FREM1: variants seen among roughly 807,000 people sequenced by gnomAD.
The protein encoded by FREM1 is FRAS1 related extracellular matrix 1.
A neutral mutation model predicts 210.1 loss-of-function variants in FREM1; 220 were observed. The observed-to-expected ratio is 1.05, with a 90% CI of 0.94 to 1.17. The LOEUF (loss-of-function observed/expected upper bound fraction) is 1.17. FREM1 is among the 50% of genes most tolerant of loss of function. The probability of loss-of-function intolerance (pLI) is 0.00; values close to 1 mark genes in which losing one functional copy is unlikely to be tolerated. For synonymous variants in FREM1, 1,189 were observed against 980.2 expected, an observed-to-expected ratio of 1.21 and a Z score of -3.98; for missense variants, 3,454 against 2,675.5, an observed-to-expected ratio of 1.29 and a Z score of -6.42.
chr9:14,849,450 T>A (rs1292620880), intron 6 of FREM1, among the ~76,000 whole-genome samples: 3 of 152,242 alleles, frequency 2.0e-5, no homozygotes, highest in Non-Finnish European at 4.4e-5. Flanking sequence ...ATCTTTATTA[T>A]GTGCTGTGTA....
Position 14,769,735 on chromosome 9 carries a change from G to A in FREM1, c.5193C>T (p.Ala1731=), listed in dbSNP as rs1378695511. 2 of 1,612,050 alleles carry A rather than the reference G, an allele frequency of 1.2e-6. No individual in the cohort carries two copies. Among genetic ancestry groups the A allele is most frequent in the Admixed American group, 3.3e-5 (2 of 59,810 alleles). ...GCAAGAGAATTTACATTTGAGGAGT[G>A]GCCGAGTTCCCTGTGGGGTCCATGA... ...FQIMDPTGNS[A]TPQILELKWS... Residue 1731 remains alanine (A), a synonymous_variant, in exon 27 of 37, where the codon GCC becomes GCT. Transcript: ENST00000380880.
intron 21 of FREM1, among the ~76,000 whole-genome samples, chr9:14,794,725 C>T (rs1024490072): frequency 2.0e-5 from 3 of 152,070 alleles, no homozygotes; most frequent in African/African-American, 4.8e-5. Context: ...TTGGGCCGGG[C>T]GCAGTGCCTC....
chr9:14,796,929 T>C (rs931954608), intron 21 of FREM1, among the ~76,000 whole-genome samples: 1 of 152,186 alleles, frequency 6.6e-6, no homozygotes, highest in African/African-American at 2.4e-5. Flanking sequence ...TACAATTGAA[T>C]AATATCGCTC....
At chr9:14,778,734 G>T in intron 24 of FREM1, among the ~76,000 whole-genome samples, 1 of 145,576 alleles carries the variant, frequency 6.9e-6, no homozygotes, top group Non-Finnish European at 1.5e-5. Context: ...GGAAGGGAAG[G>T]GAAGGGAAGG....
At chr9:14,768,702 G>C (rs1164506166) in intron 27 of FREM1, among the ~76,000 whole-genome samples, 4 of 152,148 alleles carry the variant, frequency 2.6e-5, no homozygotes, top group African/African-American at 9.7e-5. Flanking sequence ...AATGACTACT[G>C]TGACCTCTGC....
intron 10 of FREM1, 34 bp downstream of exon 10, chr9:14,841,413 G>C (rs1825678534): frequency 6.5e-7 from 1 of 1,537,358 alleles, no homozygotes; most frequent in East Asian, 2.3e-5. Flanking sequence ...CTGTGCACAA[G>C]ACTTTGGGAA....
chr9:14,818,547 G>A (rs56997619), intron 14 of FREM1, among the ~76,000 whole-genome samples: 3,957 of 152,264 alleles, frequency 0.026, 144 homozygotes, highest in African/African-American at 0.088. Context: ...GGGTCTACCC[G>A]ACCATTGCTT....
intron 19 of FREM1, among the ~76,000 whole-genome samples, chr9:14,804,677 C>G (rs1284182318): frequency 6.6e-6 from 1 of 152,108 alleles, no homozygotes; most frequent in Non-Finnish European, 1.5e-5. Context: ...CGACCCTAGG[C>G]AAGATACAAG....
intron 27 of FREM1, among the ~76,000 whole-genome samples, chr9:14,768,869 G>T (rs1003256931): frequency 1.3e-5 from 2 of 152,142 alleles, no homozygotes; most frequent in African/African-American, 4.8e-5. Flanking sequence ...TGCTTAGTAT[G>T]ACTAGGATAT....
intron 1 of FREM1, among the ~76,000 whole-genome samples, chr9:14,891,966 T>C (rs781320977): frequency 1.3e-5 from 2 of 152,228 alleles, no homozygotes; most frequent in Non-Finnish European, 2.9e-5. Flanking sequence ...CTGCCTGCTC[T>C]GTCTATGGAG....
At chr9:14,802,751 G>C (rs1049121523) in intron 19 of FREM1, among the ~76,000 whole-genome samples, 2 of 152,026 alleles carry the variant, frequency 1.3e-5, no homozygotes, top group Non-Finnish European at 2.9e-5. Context: ...ATGCATATTG[G>C]TAATCTGCAA....
At chr9:14,896,744 T>G (rs1837813969) in intron 1 of FREM1, among the ~76,000 whole-genome samples, 1 of 152,178 alleles carries the variant, frequency 6.6e-6, no homozygotes, top group African/African-American at 2.4e-5. Context: ...AGAATGGTAT[T>G]CGCTGTGATA....
chr9:14,881,145 T>C (rs1215233011), intron 1 of FREM1, among the ~76,000 whole-genome samples: 1 of 152,236 alleles, frequency 6.6e-6, no homozygotes, highest in Non-Finnish European at 1.5e-5. Context: ...TCTCTTCTCC[T>C]GCCGCCCACT....
At chr9:14,788,035 A>C (rs1026731386) in intron 23 of FREM1, among the ~76,000 whole-genome samples, 1 of 152,174 alleles carries the variant, frequency 6.6e-6, no homozygotes, top group African/African-American at 2.4e-5. Flanking sequence ...ACATAAAGCA[A>C]GATTTTTTTT....
rs1824747779 is a variant in FREM1 at position 14,836,992 on chromosome 9, C to A, written c.1881+4455G>T. Among the ~76,000 whole-genome samples, 1 of 152,138 alleles carries A rather than the reference C, an allele frequency of 6.6e-6. No individual in the cohort carries two copies. Among genetic ancestry groups the A allele is most frequent in the Admixed American group, 6.5e-5 (1 of 15,272 alleles). On this transcript the variant is annotated intron_variant, in intron 10 of 36. Transcript: ENST00000380880. This position sits in a 1 kb window ranked among gnomAD's most constrained non-coding sequence, Gnocchi z 4.9. The stretch of plus-strand genomic sequence containing the variant: ...TATCCGGAAAAGTTTCTTGTAAAGC[C>A]CCAGCTCTTAGTCAGGTGGGCAACC...
rs1211201977 is a variant in FREM1 at position 14,812,931 on chromosome 9, T to C, written c.2774A>G (p.Lys925Arg). Residue 925 changes from lysine (K) to arginine (R), a missense_variant, in exon 16 of 37, where the codon AAG becomes AGG. Coordinates refer to ENST00000380880, the MANE Select transcript of FREM1 (RefSeq NM_001379081.2). The part of the protein sequence containing the change: ...FATDVDSDNL[K>R]LMFVIAREPQ... ...TTCGCGAGCAATCACAAACATCAAC[T>C]TCAAGTTATCGCTGTCCACATCAGT... The C allele has an allele frequency of 1.2e-6, 2 of 1,613,966 alleles. No homozygotes were observed. Among genetic ancestry groups the C allele is most frequent in the Non-Finnish European group, 1.7e-6 (2 of 1,179,868 alleles).
At chr9:14,889,681 G>C (rs189727430) in intron 1 of FREM1, among the ~76,000 whole-genome samples, 1 of 152,342 alleles carries the variant, frequency 6.6e-6, no homozygotes, top group Admixed American at 6.5e-5. Context: ...ACTCTGGAGA[G>C]GGAGCCCTCC....
At chr9:14,753,219 C>T (rs1025855337) in intron 29 of FREM1, among the ~76,000 whole-genome samples, 2 of 152,240 alleles carry the variant, frequency 1.3e-5, no homozygotes, top group African/African-American at 4.8e-5. Flanking sequence ...TTTATGCAGA[C>T]ATATTCCACT....
chr9:14,773,985 T>G (rs1041663124), intron 25 of FREM1: 10 of 459,684 alleles, frequency 2.2e-5, no homozygotes, highest in African/African-American at 8.2e-5. Context: ...ACTAACAGAC[T>G]GAAAAGGGAA....
Sources: allele counts gnomAD v4.1 joint callset (sites outside exome capture counted in the v4.1 genomes callset), GRCh38; gene constraint gnomAD v4.1.1; non-coding constraint Gnocchi (gnomAD v3.1); transcripts MANE v1.5; gene names NCBI Gene and HGNC (gene_info 2026-07-23, HGNC 2026-07-21).